The following NCKIPSD variants were observed in gnomAD, a reference collection of about 807,000 sequenced individuals.
NCKIPSD encodes the protein NCK interacting protein with SH3 domain, also known as NCK-interacting protein with SH3 domain.
A neutral mutation model predicts 73.4 loss-of-function variants in NCKIPSD; 48 were observed. That is an observed-to-expected ratio of 0.65 (90% CI 0.52 to 0.83). NCKIPSD has a LOEUF of 0.83. Among genes scored for constraint, NCKIPSD ranks in the 40% least tolerant of loss-of-function variants. The pLI, the probability that NCKIPSD is intolerant of heterozygous loss-of-function variation, is 0.00. For synonymous variants in NCKIPSD, 422 were observed against 403.6 expected (o/e 1.05, Z -0.54); for missense variants, 884 against 970.2 (o/e 0.91, Z 1.18).
At chr3:48,679,910 G>A in intron 6 of NCKIPSD, 23 bp from the exon 7 acceptor site, 1 of 1,613,966 alleles carries the variant, frequency 6.2e-7, no homozygotes, top group East Asian at 2.2e-5. Flanking sequence ...GGAAGTGAGA[G>A]CATCAGCCAC....
chr3:48,673,939 T>C lies in NCKIPSD; in HGVS notation c.*605A>G. 1.9e-6 allele frequency: 2 copies of C among 1,063,858 alleles called. No individual in the cohort carries two copies. The highest frequency in any genetic ancestry group is 2.3e-6 in the Non-Finnish European group (2 of 878,108). 65.9% of individuals were successfully genotyped at this position (1,063,858 alleles called of 1,614,324 possible). A position where few individuals can be genotyped will look rare whatever the true frequency, so the allele number is the denominator to read the frequency against. ...TCTACATTTTTACAGAGAAAAGAGA[T>C]TCGGTCATTGGCTTTCTCAGTGCCA... On this transcript the variant is annotated 3_prime_UTR_variant, in exon 13 of 13. Transcript: ENST00000294129.
intron 1 of NCKIPSD, among the ~76,000 whole-genome samples, chr3:48,684,844 G>A (rs2077410375): frequency 6.6e-6 from 1 of 152,170 alleles, no homozygotes. Context: ...CCCACTCCAG[G>A]CTGGGAACAA....
At chr3:48,679,540 AG>A (rs778417308) in intron 8 of NCKIPSD, 34 bp downstream of exon 8, 1 of 1,610,644 alleles carries the variant, frequency 6.2e-7, no homozygotes, top group Admixed American at 1.7e-5. Context: ...TCCAGATAGC[AG>A]GAAGTTCCCT....
chr3:48,679,033 G>A lies in NCKIPSD; in HGVS notation c.1699+22C>T, dbSNP rs753821535. 8.1e-6 allele frequency: 13 copies of A among 1,613,996 alleles called. No homozygotes were observed. The South Asian group carries it at 8.8e-5, about 11-fold the overall frequency. On this transcript the variant is annotated intron_variant, in intron 10 of 12. Transcript: ENST00000294129. The stretch of plus-strand genomic sequence containing the variant: ...GAGAGCCACCATGTGCTCAGCCACC[G>A]CCCAGCCAGGCCCCACCCCACCTGG...
chr3:48,682,801 A>T (rs1036066679), intron 2 of NCKIPSD, 102 bp downstream of exon 2: 1 of 1,467,866 alleles, frequency 6.8e-7, no homozygotes, highest in Non-Finnish European at 9.2e-7. Flanking sequence ...ACCCTTGCCA[A>T]CCCTCGCATT....
rs775984488 is a variant in NCKIPSD at position 48,681,737 on chromosome 3, G to A, written c.642C>T (p.Ser214=). The A allele has an allele frequency of 2.2e-5, 33 of 1,532,856 alleles. No homozygotes were observed. Among genetic ancestry groups the A allele is most frequent in the Non-Finnish European group, 2.7e-5 (31 of 1,140,988 alleles). 95.0% of individuals were successfully genotyped at this position (1,532,856 alleles called of 1,614,324 possible). A position where few individuals can be genotyped will look rare whatever the true frequency, so the allele number is the denominator to read the frequency against. Residue 214 remains serine, a synonymous_variant, in exon 5 of 13, where the codon AGC becomes AGT. Transcript: ENST00000294129. ...TMPSGGNSVS[S]GSSVSSTSLD... ...GGGAGGTGCTGCTGACTGAGGAGCCGCTGGACACAGAGTTACCCCCGGAGG... is the reference window on the plus strand; with the variant it reads ...GGGAGGTGCTGCTGACTGAGGAGCCACTGGACACAGAGTTACCCCCGGAGG...
intron 12 of NCKIPSD, among the ~76,000 whole-genome samples, chr3:48,675,012 C>T (rs1004218712): frequency 6.6e-6 from 1 of 152,290 alleles, no homozygotes; most frequent in Middle Eastern, 3.4e-3. Flanking sequence ...AGCTGGGTCT[C>T]TCAAGGTGCC....
At chr3:48,678,083 C>T (rs1340758963) in intron 12 of NCKIPSD, among the ~76,000 whole-genome samples, 2 of 152,170 alleles carry the variant, frequency 1.3e-5, no homozygotes. Context: ...AATCAAGTGG[C>T]AAGCCCTGCC....
At position 48,684,015 on chromosome 3, in the gene NCKIPSD, C is replaced by CAG. The variant is rs1320811177; in HGVS notation, c.172-1004_172-1003insCT. 4.7e-3 allele frequency among the ~76,000 whole-genome samples: 701 copies of CAG among 149,688 alleles called. 4 individuals carry two copies. Among genetic ancestry groups the CAG allele is most frequent in the African/African-American group, 0.016 (649 of 39,748 alleles). ...ACACACACACACACACACACACACA[C>CAG]ACACAGAGAGAGAGAGAAAGAAAGG... On this transcript the variant is annotated intron_variant, in intron 1 of 12. Coordinates refer to ENST00000294129, the MANE Select transcript of NCKIPSD (RefSeq NM_016453.4).
Position 48,685,811 on chromosome 3 carries a change from GC to G in NCKIPSD, c.-5del. 6.1e-6 allele frequency: 9 copies of G among 1,476,512 alleles called. No homozygotes were observed. The highest frequency in any genetic ancestry group is 7.1e-6 in the Non-Finnish European group (8 of 1,123,024). The allele number at this position is 1,476,512 out of a possible 1,614,324, so 91.5% of individuals were successfully genotyped here. On this transcript the variant is annotated 5_prime_UTR_variant, in exon 1 of 13. Coordinates refer to ENST00000294129, the MANE Select transcript of NCKIPSD (RefSeq NM_016453.4). ...ACGCGTACAGCGCGCGGTACATGAG[GC>G]CGGGCAGGGCAGGTGCAGGGAAGGT... is the stretch of plus-strand genomic sequence containing the variant.
At chr3:48,674,801 C>A (rs951437935) in intron 12 of NCKIPSD, 54 bp from the exon 13 acceptor site, 8 of 1,581,892 alleles carry the variant, frequency 5.1e-6, no homozygotes, top group South Asian at 2.3e-5. Flanking sequence ...GCAACCACCA[C>A]TGGACAGGGA....
chr3:48,675,714 G>C (rs2077247658), intron 12 of NCKIPSD, among the ~76,000 whole-genome samples: 2 of 151,410 alleles, frequency 1.3e-5, no homozygotes, highest in Non-Finnish European at 2.9e-5. Context: ...GCTAATTTTT[G>C]TATTTTTTTT....
intron 3 of NCKIPSD, 42 bp from the exon 4 acceptor site, chr3:48,682,198 T>C (rs756524432): frequency 3.2e-6 from 5 of 1,579,110 alleles, no homozygotes; most frequent in Non-Finnish European, 3.4e-6. Flanking sequence ...GACTGACATC[T>C]AGAGCGTCAG....
At position 48,680,191 on chromosome 3, in the gene NCKIPSD, G is replaced by A. The variant is rs745959716; in HGVS notation, c.1131C>T (p.His377=). The change falls in exon 6 of 13, where the codon CAC becomes CAT. Residue 377 remains histidine (H), a synonymous_variant. Transcript: ENST00000294129. The stretch of plus-strand genomic sequence containing the variant: ...AGATCACCTCCAGCCTCTGCTGGTC[G>A]TGGCAGACCTGCCCTGAGGGCAGGG... The part of the protein sequence containing the change: ...SMALPSGQVC[H]DQQRLEVIFA... 61 of 1,613,546 alleles carry A rather than the reference G, an allele frequency of 3.8e-5. No individual in the cohort carries two copies. The highest frequency in any genetic ancestry group is 4.7e-5 in the Non-Finnish European group (55 of 1,179,914).
intron 1 of NCKIPSD, among the ~76,000 whole-genome samples, chr3:48,683,709 G>A (rs1450275641): frequency 6.6e-6 from 1 of 152,152 alleles, no homozygotes; most frequent in African/African-American, 2.4e-5. Context: ...CAACATTCCA[G>A]GGATCCAGTC....
chr3:48,679,315 C>A (rs2077308077), intron 9 of NCKIPSD, 62 bp downstream of exon 9: 5 of 1,612,258 alleles, frequency 3.1e-6, no homozygotes, highest in Non-Finnish European at 4.2e-6. Context: ...AGGTCCCAGG[C>A]CCTCGGGCAA....
Position 48,678,706 on chromosome 3 carries a change from G to A in NCKIPSD, c.1823C>T (p.Pro608Leu), listed in dbSNP as rs147656098. ...DDPVRIFKHE[P>L]QPPHSVLKFL... ...CTTGAGGACAGAGTGTGGTGGCTGT[G>A]GCTCATGTTTGAAGATGCGCACAGG... The change falls in exon 12 of 13, where the codon CCA becomes CTA. Residue 608 changes from proline (P) to leucine (L), a missense_variant. Coordinates refer to ENST00000294129, the MANE Select transcript of NCKIPSD (RefSeq NM_016453.4). 9 of 1,613,930 alleles carry A rather than the reference G, an allele frequency of 5.6e-6. No individual in the cohort carries two copies. The highest frequency in any genetic ancestry group is 1.3e-5 in the African/African-American group (1 of 74,916).
intron 1 of NCKIPSD, among the ~76,000 whole-genome samples, chr3:48,683,979 GACAC>G (rs545029045): frequency 0.015 from 1,984 of 131,130 alleles, 23 homozygotes; most frequent in Middle Eastern, 0.039. Context: ...AAGACATGAA[GACAC>G]ACACACACAC....
chr3:48,685,865 G>C lies in NCKIPSD; in HGVS notation c.-58C>G, dbSNP rs928265646. The C allele has an allele frequency of 7.4e-6, 10 of 1,342,380 alleles. No individual in the cohort carries two copies. Among genetic ancestry groups the C allele is most frequent in the Non-Finnish European group, 8.6e-6 (9 of 1,049,592 alleles). The allele number at this position is 1,342,380 out of a possible 1,614,324, so 83.2% of individuals were successfully genotyped here. On this transcript the variant is annotated 5_prime_UTR_variant, in exon 1 of 13. Transcript: ENST00000294129. ...CAAGGGCTGCGGCGCCACAACGCCA[G>C]GCCGGGAGCGCCGAGCCGCGCCGCG...
Sources: allele counts gnomAD v4.1 joint callset (sites outside exome capture counted in the v4.1 genomes callset), GRCh38; gene constraint gnomAD v4.1.1; transcripts MANE v1.5; gene names NCBI Gene and HGNC (gene_info 2026-07-23, HGNC 2026-07-21).